UBE2D3: variants seen among roughly 807,000 people sequenced by gnomAD.
UBE2D3 encodes ubiquitin-conjugating enzyme E2 D3.
A neutral mutation model predicts 22.8 loss-of-function variants in UBE2D3; 2 were observed. The observed-to-expected ratio is 0.09, with a 90% CI of 0.04 to 0.28. UBE2D3 has a LOEUF of 0.28. Among genes scored for constraint, UBE2D3 ranks in the 10% least tolerant of loss-of-function variants. The probability of loss-of-function intolerance (pLI) is 1.00; values close to 1 mark genes in which losing one functional copy is unlikely to be tolerated. For synonymous variants in UBE2D3, 56 were observed against 60.4 expected, an observed-to-expected ratio of 0.93 and a Z score of 0.34; for missense variants, 27 against 182.5, an observed-to-expected ratio of 0.15 and a Z score of 4.91.
intron 2 of UBE2D3, chr4:102,825,228 C>G: frequency 3.0e-6 from 3 of 985,742 alleles, no homozygotes; most frequent in Non-Finnish European, 3.6e-6. Flanking sequence ...ACCAAAGTTT[C>G]TAACACTCAC....
intron 1 of UBE2D3, among the ~76,000 whole-genome samples, chr4:102,855,492 C>G (rs1732576344): frequency 6.6e-6 from 1 of 152,216 alleles, no homozygotes; most frequent in South Asian, 2.1e-4. Context: ...TCATAGTTCA[C>G]TTCATGCAGC....
At chr4:102,828,126 A>T, upstream of UBE2D3, 1 of 985,474 alleles carries the variant, frequency 1.0e-6, no homozygotes. Context: ...CTGCCAGGAA[A>T]GCAACGCCCC....
intron 6 of UBE2D3, 56 bp from the exon 7 acceptor site, chr4:102,799,556 T>G (rs925084480): frequency 1.1e-5 from 16 of 1,432,228 alleles, no homozygotes; most frequent in Non-Finnish European, 1.5e-5. Context: ...ATAAATAAAT[T>G]TTTCTAAACC....
At chr4:102,847,032 C>A (rs1732072253) in intron 1 of UBE2D3, among the ~76,000 whole-genome samples, 1 of 152,136 alleles carries the variant, frequency 6.6e-6, no homozygotes, top group Admixed American at 6.5e-5. Flanking sequence ...GCATAGGAGC[C>A]TGGTTTCCTC....
At chr4:102,845,164 T>G (rs1315770644) in intron 1 of UBE2D3, among the ~76,000 whole-genome samples, 2 of 151,366 alleles carry the variant, frequency 1.3e-5, no homozygotes, top group Non-Finnish European at 2.9e-5. Context: ...TGCAGTGAGC[T>G]GAGATTATGC....
At position 102,802,514 on chromosome 4, in the gene UBE2D3, A is replaced by T. The variant is rs760587238; in HGVS notation, c.198+47T>A. On this transcript the variant is annotated intron_variant, in intron 5 of 7. Coordinates refer to ENST00000453744, the MANE Select transcript of UBE2D3 (RefSeq NM_181891.3). Reference sequence around the variant, plus strand: ...TTCCAAGAATGCTCTATTCCTTTGAAATAAAGCATAAATCTATACTAACAG... The same window carrying T: ...TTCCAAGAATGCTCTATTCCTTTGATATAAAGCATAAATCTATACTAACAG... The T allele has an allele frequency of 4.0e-6, 6 of 1,496,056 alleles. No homozygotes were observed. In the South Asian group the frequency reaches 7.3e-5, roughly 18 times the overall value. 92.7% of individuals were successfully genotyped at this position (1,496,056 alleles called of 1,614,324 possible).
intron 2 of UBE2D3, among the ~76,000 whole-genome samples, chr4:102,818,717 A>T (rs1262825484): frequency 2.0e-5 from 3 of 152,166 alleles, no homozygotes; most frequent in African/African-American, 7.2e-5. Context: ...CTCATCTGGA[A>T]GTACATGATT....
chr4:102,798,114 C>G (rs1016671447), intron 7 of UBE2D3, among the ~76,000 whole-genome samples: 1 of 151,450 alleles, frequency 6.6e-6, no homozygotes, highest in Non-Finnish European at 1.5e-5. Context: ...TTGAGTACAA[C>G]AAGGGCATCT....
intron 4 of UBE2D3, among the ~76,000 whole-genome samples, chr4:102,807,568 A>G (rs1392303190): frequency 6.6e-6 from 1 of 152,220 alleles, no homozygotes; most frequent in Non-Finnish European, 1.5e-5. Context: ...TAATATTTAA[A>G]TGGTTCTGAA....
rs1205996408 is a variant in UBE2D3, at chr4:102,826,479, G to C, written c.24+6C>G. 2 of 1,613,492 alleles carry C rather than the reference G, an allele frequency of 1.2e-6. No individual in the cohort carries two copies. The highest frequency in any genetic ancestry group is 2.7e-5 in the African/African-American group (2 of 74,764). Reference sequence around the variant, plus strand: ...ACCACCCCATGCCCTTGTCCCCGCGGGTTACCTTATTAATCCGTTTCAGCG... The same window carrying C: ...ACCACCCCATGCCCTTGTCCCCGCGCGTTACCTTATTAATCCGTTTCAGCG... On this transcript the variant is annotated splice_donor_region_variant and intron_variant, in intron 2 of 7. Coordinates refer to ENST00000453744, the MANE Select transcript of UBE2D3 (RefSeq NM_181891.3).
At chr4:102,813,563 C>G (rs1170283880) in intron 2 of UBE2D3, among the ~76,000 whole-genome samples, 2 of 152,062 alleles carry the variant, frequency 1.3e-5, no homozygotes, top group Non-Finnish European at 2.9e-5. Flanking sequence ...AGTAAAGACT[C>G]AATTTGAAAA....
At chr4:102,799,000 C>A in intron 7 of UBE2D3, 4 of 1,598,460 alleles carry the variant, frequency 2.5e-6, no homozygotes, top group Non-Finnish European at 2.6e-6. Flanking sequence ...GTACACTTAG[C>A]ATTAATTATA....
At chr4:102,825,795 A>G in intron 2 of UBE2D3, 1 of 458,750 alleles carries the variant, frequency 2.2e-6, no homozygotes, top group Non-Finnish European at 4.4e-6. Flanking sequence ...GGGAGCTTCC[A>G]GAATGCCTTT....
chr4:102,847,885 A>C (rs1162185193), intron 1 of UBE2D3, among the ~76,000 whole-genome samples: 1 of 151,920 alleles, frequency 6.6e-6, no homozygotes, highest in East Asian at 1.9e-4. Context: ...GCTTCAAGAG[A>C]TCCTCCCACC....
rs1185377969 is a variant in UBE2D3 at position 102,795,391 on chromosome 4, T to C, written c.*2024A>G. Reference sequence around the variant, plus strand: ...GAGACTATATGCATCTCAGAAGTAATTTTGAAAATAGAGCCAAAGAGCAGT... The same window carrying C: ...GAGACTATATGCATCTCAGAAGTAACTTTGAAAATAGAGCCAAAGAGCAGT... On this transcript the variant is annotated 3_prime_UTR_variant, in exon 8 of 8. Transcript: ENST00000453744. The C allele has an allele frequency of 6.6e-6, 1 of 152,106 alleles. No homozygotes were observed. 9.4% of individuals were successfully genotyped at this position (152,106 alleles called of 1,614,324 possible).
chr4:102,826,588 G>A lies in UBE2D3; in HGVS notation c.-80C>T. On this transcript the variant is annotated 5_prime_UTR_variant, in exon 2 of 8. Coordinates refer to ENST00000453744, the MANE Select transcript of UBE2D3 (RefSeq NM_181891.3). ...GCCAAAACTCTTGATTATCCCGGCG[G>A]CGGGGCAGGATTGTCTCGTCTCACA... is the stretch of plus-strand genomic sequence containing the variant. 1 of 1,603,382 alleles carries A rather than the reference G, an allele frequency of 6.2e-7. No homozygotes were observed. The highest frequency in any genetic ancestry group is 8.5e-7 in the Non-Finnish European group (1 of 1,178,704).
At chr4:102,815,646 C>T (rs1728684451) in intron 2 of UBE2D3, among the ~76,000 whole-genome samples, 1 of 152,144 alleles carries the variant, frequency 6.6e-6, no homozygotes, top group African/African-American at 2.4e-5. Context: ...ATAATTTCAG[C>T]TAGTTAACAC....
upstream of UBE2D3, among the ~76,000 whole-genome samples, chr4:102,831,130 C>A (rs942140825): frequency 6.6e-6 from 1 of 152,104 alleles, no homozygotes; most frequent in African/African-American, 2.4e-5. Flanking sequence ...ACAGTGTATA[C>A]CATTTTATTA....
chr4:102,798,984 G>T, intron 7 of UBE2D3: 1 of 1,608,808 alleles, frequency 6.2e-7, no homozygotes, highest in South Asian at 1.1e-5. Context: ...GTACCTAATT[G>T]AACAAGTACA....
Sources: allele counts gnomAD v4.1 joint callset (sites outside exome capture counted in the v4.1 genomes callset), GRCh38; gene constraint gnomAD v4.1.1; transcripts MANE v1.5; gene names NCBI Gene and HGNC (gene_info 2026-07-23, HGNC 2026-07-21).